The following PTPA variants were observed in gnomAD, a reference collection of about 807,000 sequenced individuals.
The protein encoded by PTPA is protein phosphatase 2 phosphatase activator.
A neutral mutation model predicts 43.6 loss-of-function variants in PTPA; 13 were observed. That is an observed-to-expected ratio of 0.30 (90% CI 0.19 to 0.47). PTPA has a LOEUF of 0.47. Among genes scored for constraint, PTPA ranks in the 20% least tolerant of loss-of-function variants. PTPA has a pLI of 0.99. For missense variants in PTPA, 329 were observed against 411.9 expected (o/e 0.80, Z 1.74); for synonymous variants, 172 against 158.2 (o/e 1.09, Z -0.66).
intron 9 of PTPA, among the ~76,000 whole-genome samples, chr9:129,145,412 T>C (rs1286025795): frequency 6.6e-6 from 1 of 152,174 alleles, no homozygotes; most frequent in African/African-American, 2.4e-5. Context: ...CCTTAGTCCT[T>C]GGTCCCGAAG....
At chr9:129,138,049 A>G (rs1025231609) in intron 8 of PTPA, 2 of 348,150 alleles carry the variant, frequency 5.7e-6, no homozygotes. Context: ...GGGCCCCACA[A>G]GGGTCTGTAG....
At chr9:129,119,717 T>G (rs1017851248) in intron 1 of PTPA, 1 of 152,282 alleles carries the variant, frequency 6.6e-6, no homozygotes, top group African/African-American at 2.4e-5. Context: ...CTGTTTTTTT[T>G]TCTTCTGTGA....
At chr9:129,128,141 C>T (rs1314294937) in intron 3 of PTPA, 1 of 1,008,766 alleles carries the variant, frequency 9.9e-7, no homozygotes, top group African/African-American at 1.7e-5. Flanking sequence ...CTCAAGGTCT[C>T]ACAGCAGCTA....
chr9:129,115,587 A>G (rs540937872), intron 1 of PTPA, among the ~76,000 whole-genome samples: 20 of 151,918 alleles, frequency 1.3e-4, no homozygotes, highest in Non-Finnish European at 2.5e-4. Flanking sequence ...AATTTATACC[A>G]GGTTGTGAGT....
At chr9:129,123,260 T>C in intron 3 of PTPA, 122 bp downstream of exon 3, 1 of 730,274 alleles carries the variant, frequency 1.4e-6, no homozygotes, top group Admixed American at 2.2e-5. Flanking sequence ...GCTCACGAGG[T>C]CAGGAGATCG....
At position 129,142,426 on chromosome 9, in the gene PTPA, T is replaced by A. The variant is rs763788954; in HGVS notation, c.787-19T>A. ...CCAGCCAGAACCTGTCTCTTCAGCT[T>A]GTGGCTTCTCTTTTTCAGATGAAGA... On this transcript the variant is annotated intron_variant, in intron 8 of 9. Coordinates refer to ENST00000393370, the MANE Select transcript of PTPA (RefSeq NM_178000.3). The A allele has an allele frequency of 6.4e-7, 1 of 1,551,934 alleles. No individual in the cohort carries two copies.
At chr9:129,111,768 G>A in intron 1 of PTPA, 137 bp downstream of exon 1, 1 of 1,235,076 alleles carries the variant, frequency 8.1e-7, no homozygotes, top group Middle Eastern at 3.1e-4. Flanking sequence ...AGGAGGGACT[G>A]AGTTGAATGG....
chr9:129,137,460 C>T lies in PTPA; in HGVS notation c.686-132C>T, dbSNP rs918379762. On this transcript the variant is annotated intron_variant, in intron 7 of 9. Transcript: ENST00000393370. Reference sequence around the variant, plus strand: ...TACACAAACCCAGAGTTACTTATTGCTCCTTCAAGGTGAGGTGTTGAGGGC... The same window carrying T: ...TACACAAACCCAGAGTTACTTATTGTTCCTTCAAGGTGAGGTGTTGAGGGC... 7.2e-5 allele frequency: 47 copies of T among 649,672 alleles called. No homozygotes were observed. The African/African-American group carries it at 8.6e-4, about 12-fold the overall frequency. The allele number at this position is 649,672 out of a possible 1,614,324, so 40.2% of individuals were successfully genotyped here.
intron 1 of PTPA, among the ~76,000 whole-genome samples, chr9:129,113,795 A>T (rs1848699410): frequency 6.6e-6 from 1 of 152,086 alleles, no homozygotes; most frequent in South Asian, 2.1e-4. Flanking sequence ...AAAAAGAAAA[A>T]GTTCTGGTAA....
chr9:129,116,172 C>T (rs10819465), intron 1 of PTPA, among the ~76,000 whole-genome samples: 89,547 of 150,864 alleles, frequency 0.59, 28,463 homozygotes, highest in Non-Finnish European at 0.7. Flanking sequence ...CAGGCACTCG[C>T]CACCACGCCT....
intron 9 of PTPA, chr9:129,143,163 C>G: frequency 1.6e-6 from 1 of 615,436 alleles, no homozygotes; most frequent in Non-Finnish European, 2.9e-6. Flanking sequence ...CTCCTGCCCT[C>G]TTGGCACTGT....
upstream of PTPA, chr9:129,111,173 G>A: frequency 8.6e-7 from 1 of 1,158,760 alleles, no homozygotes; most frequent in Non-Finnish European, 1.2e-6. Flanking sequence ...AAAGATGACA[G>A]GTGGTACTCC....
rs761806801 is a variant in PTPA at position 129,120,571 on chromosome 9, C to T, written c.90C>T (p.Ile30=). Residue 30 remains isoleucine, a synonymous_variant, in exon 2 of 10, where the codon ATC becomes ATT. Transcript: ENST00000393370. Reference sequence around the variant, plus strand: ...ACTTCATCATTCCAAAAAAGGAGATCCACACAGTTCCAGACATGGGCAAAT... The same window carrying T: ...ACTTCATCATTCCAAAAAAGGAGATTCACACAGTTCCAGACATGGGCAAAT... ...TQNFIIPKKE[I]HTVPDMGKWK... is the part of the protein sequence containing the mutation. The T allele has an allele frequency of 2.8e-5, 45 of 1,613,594 alleles. No homozygotes were observed. The highest frequency in any genetic ancestry group is 1.1e-4 in the African/African-American group (8 of 74,862).
At chr9:129,136,672 GCT>G (rs1850393418) in intron 7 of PTPA, 77 bp downstream of exon 7, 2 of 1,458,022 alleles carry the variant, frequency 1.4e-6, no homozygotes, top group East Asian at 4.9e-5. Flanking sequence ...CCCCTCCTGC[GCT>G]CCCTCCTTCC....
intron 9 of PTPA, 106 bp downstream of exon 9, chr9:129,142,658 C>T (rs958743228): frequency 6.4e-6 from 10 of 1,555,652 alleles, no homozygotes; most frequent in Non-Finnish European, 8.7e-6. Flanking sequence ...CCTCCTACCC[C>T]ACTGTTTTGC....
chr9:129,141,126 G>T (rs1850783997), intron 8 of PTPA, among the ~76,000 whole-genome samples: 1 of 152,112 alleles, frequency 6.6e-6, no homozygotes, highest in Admixed American at 6.5e-5. Flanking sequence ...CCAGGGGAGG[G>T]AAATGAGGGG....
At chr9:129,123,261 C>G in intron 3 of PTPA, 123 bp downstream of exon 3, 1 of 723,302 alleles carries the variant, frequency 1.4e-6, no homozygotes, top group Non-Finnish European at 2.3e-6. Context: ...CTCACGAGGT[C>G]AGGAGATCGA....
rs756302314 is a variant in PTPA at position 129,137,614 on chromosome 9, A to T, written c.708A>T (p.Arg236Ser). 26 of 1,612,700 alleles carry T rather than the reference A, an allele frequency of 1.6e-5. No individual in the cohort carries two copies. Among genetic ancestry groups the T allele is most frequent in the Non-Finnish European group, 2.1e-5 (25 of 1,179,470 alleles). Reference sequence around the variant, plus strand: ...CAGACCACCCATACCTGGAGCCCAGACACTTTGTGGATGAGAAGGCCGTGA... The same window carrying T: ...CAGACCACCCATACCTGGAGCCCAGTCACTTTGTGGATGAGAAGGCCGTGA... ...QLIDHPYLEP[R>S]HFVDEKAVNE... is the part of the protein sequence containing the mutation. Residue 236 changes from arginine (R) to serine (S), a missense_variant, in exon 8 of 10, where the codon AGA becomes AGT. Transcript: ENST00000393370.
chr9:129,134,906 G>A lies in PTPA; in HGVS notation c.560+12G>A. 1 of 1,607,642 alleles carries A rather than the reference G, an allele frequency of 6.2e-7. No individual in the cohort carries two copies. The highest frequency in any genetic ancestry group is 8.5e-7 in the Non-Finnish European group (1 of 1,175,188). On this transcript the variant is annotated intron_variant, in intron 6 of 9. Transcript: ENST00000393370. ...AAGGTGTTCAATCGGTGAGAGAAAG[G>A]ACAGGAGGGTTGGAGGAGGGGGCGT... is the stretch of plus-strand genomic sequence containing the variant.
Sources: allele counts gnomAD v4.1 joint callset (sites outside exome capture counted in the v4.1 genomes callset), GRCh38; gene constraint gnomAD v4.1.1; transcripts MANE v1.5; gene names NCBI Gene and HGNC (gene_info 2026-07-23, HGNC 2026-07-21).